SREK1IP1: variants seen among roughly 807,000 people sequenced by gnomAD.
SREK1IP1 encodes SREK1 interacting protein 1.
SREK1IP1 carries 12 observed loss-of-function variants against 22.8 expected under a neutral mutation model. The observed-to-expected ratio is 0.53, with a 90% confidence interval of 0.34 to 0.85. The LOEUF (loss-of-function observed/expected upper bound fraction) is 0.85. Among genes scored for constraint, SREK1IP1 ranks in the 40% least tolerant of loss-of-function variants. The pLI is 0.02. For synonymous variants in SREK1IP1, 53 were observed against 52.7 expected (o/e 1.01, Z -0.02); for missense variants, 147 against 171.8 (o/e 0.86, Z 0.81).
chr5:64,738,656 T>A (rs1191217313), intron 3 of SREK1IP1, among the ~76,000 whole-genome samples: 2 of 151,986 alleles, frequency 1.3e-5, no homozygotes, highest in African/African-American at 4.8e-5. Context: ...TGTAACAGAA[T>A]AGGAAGTCCA....
At chr5:64,748,052 T>G (rs180902155) in intron 2 of SREK1IP1, among the ~76,000 whole-genome samples, 2 of 152,322 alleles carry the variant, frequency 1.3e-5, no homozygotes, top group Admixed American at 1.3e-4. Flanking sequence ...TACATCAACA[T>G]TCATTGCAGC....
intron 1 of SREK1IP1, among the ~76,000 whole-genome samples, chr5:64,765,660 T>A (rs1580562843): frequency 1.3e-5 from 2 of 152,362 alleles, no homozygotes; most frequent in Admixed American, 1.3e-4. Context: ...GCTTGCCATC[T>A]AGCTTAATGG....
At chr5:64,743,365 C>T (rs927732819) in intron 2 of SREK1IP1, among the ~76,000 whole-genome samples, 1 of 152,172 alleles carries the variant, frequency 6.6e-6, no homozygotes, top group Non-Finnish European at 1.5e-5. Context: ...GTAGACTATA[C>T]ATCCAAGTTT....
In SREK1IP1 at chr5:64,718,990, T is replaced by G. The variant is rs1364217321; in HGVS notation, c.*5394A>C. 1 of 152,204 alleles carries G rather than the reference T, an allele frequency of 6.6e-6. No individual in the cohort carries two copies. Among genetic ancestry groups the G allele is most frequent in the East Asian group, 1.9e-4 (1 of 5,194 alleles). 9.4% of individuals were successfully genotyped at this position (152,204 alleles called of 1,614,324 possible). A position where few individuals can be genotyped will look rare whatever the true frequency, so the allele number is the denominator to read the frequency against. ...TGATATATAAAAAAGAATACCTTAT[T>G]TTTCTTGGGCATGCAAAGCTCAGGG... On this transcript the variant is annotated 3_prime_UTR_variant, in exon 5 of 5. Coordinates refer to ENST00000513458, the MANE Select transcript of SREK1IP1 (RefSeq NM_173829.4).
intron 1 of SREK1IP1, among the ~76,000 whole-genome samples, chr5:64,763,098 T>C (rs557637271): frequency 1.3e-5 from 2 of 152,062 alleles, no homozygotes; most frequent in Admixed American, 6.5e-5. Context: ...AAAGGCTTCA[T>C]AATCATTTGA....
At chr5:64,753,907 C>T (rs1742790453) in intron 2 of SREK1IP1, among the ~76,000 whole-genome samples, 1 of 152,052 alleles carries the variant, frequency 6.6e-6, no homozygotes, top group South Asian at 2.1e-4. Context: ...AATTCTGAGA[C>T]CAATTGAATC....
intron 2 of SREK1IP1, among the ~76,000 whole-genome samples, chr5:64,743,648 T>A (rs779511780): frequency 3.3e-5 from 5 of 152,202 alleles, no homozygotes; most frequent in Non-Finnish European, 7.3e-5. Context: ...TCTGTGGGCA[T>A]GCACCAGGTT....
chr5:64,724,486 CTTTT>C lies in SREK1IP1; in HGVS notation c.362_365del (p.Lys121ArgfsTer36). On this transcript the variant is annotated frameshift_variant, in exon 5 of 5. Coordinates refer to ENST00000513458, the MANE Select transcript of SREK1IP1 (RefSeq NM_173829.4). LOFTEE classifies it high-confidence loss of function. The stretch of plus-strand genomic sequence containing the variant: ...GATGTTTCCCTTTTTTTGATTTACT[CTTTT>C]TTTCTTTTTTCTTTTCTTTCTTCTG... The C allele has an allele frequency of 1.9e-6, 3 of 1,589,410 alleles. No homozygotes were observed. The highest frequency in any genetic ancestry group is 2.4e-5 in the South Asian group (2 of 84,940).
intron 3 of SREK1IP1, among the ~76,000 whole-genome samples, chr5:64,728,545 A>G (rs981865539): frequency 5.9e-5 from 9 of 152,304 alleles, no homozygotes; most frequent in African/African-American, 2.2e-4. Context: ...GGATCATGCA[A>G]TATGTATTAT....
intron 3 of SREK1IP1, among the ~76,000 whole-genome samples, chr5:64,734,900 T>C (rs767953781): frequency 4.6e-5 from 7 of 152,100 alleles, no homozygotes; most frequent in Non-Finnish European, 7.4e-5. Flanking sequence ...TGGATGCCTT[T>C]ATTTTTCATA....
At chr5:64,731,671 T>C (rs1280703751) in intron 3 of SREK1IP1, among the ~76,000 whole-genome samples, 5 of 152,124 alleles carry the variant, frequency 3.3e-5, no homozygotes, top group Non-Finnish European at 4.4e-5. Context: ...AATATGTTGA[T>C]GATGTCTTGA....
At chr5:64,763,269 T>C (rs1365697881) in intron 1 of SREK1IP1, among the ~76,000 whole-genome samples, 1 of 152,076 alleles carries the variant, frequency 6.6e-6, no homozygotes, top group Non-Finnish European at 1.5e-5. Flanking sequence ...CTGGGCGCGG[T>C]GGCTCATGCC....
At chr5:64,766,829 T>C (rs1256329485) in intron 1 of SREK1IP1, among the ~76,000 whole-genome samples, 1 of 152,218 alleles carries the variant, frequency 6.6e-6, no homozygotes, top group African/African-American at 2.4e-5. Context: ...TAATACTCAT[T>C]TCACAGTGCA....
rs1335681242 is a variant in SREK1IP1 at position 64,754,351 on chromosome 5, C to A, written c.25G>T (p.Asp9Tyr). The A allele has an allele frequency of 6.2e-7, 1 of 1,613,726 alleles. No individual in the cohort carries two copies. The highest frequency in any genetic ancestry group is 1.7e-5 in the Admixed American group (1 of 60,018). ...TTTTTACAGCCTGCTCTGACACTGTCCTTGTTGCAACCTGAAATACAATTG... is the reference window on the plus strand; with the variant it reads ...TTTTTACAGCCTGCTCTGACACTGTACTTGTTGCAACCTGAAATACAATTG... The part of the protein sequence containing the change: MAVPGCNK[D>Y]SVRAGCKKCG... Residue 9 changes from aspartate (D) to tyrosine (Y), a missense_variant, in exon 2 of 5, where the codon GAC (aspartate) becomes TAC (tyrosine). By Grantham distance (160) the Asp-to-Tyr change is radical (BLOSUM62 -3). Transcript: ENST00000513458.
At chr5:64,742,925 T>C (rs1483547200) in intron 2 of SREK1IP1, among the ~76,000 whole-genome samples, 1 of 152,216 alleles carries the variant, frequency 6.6e-6, no homozygotes, top group East Asian at 1.9e-4. Flanking sequence ...TGTGATTTCC[T>C]AACAAATGAA....
At chr5:64,750,856 G>A (rs2112104888) in intron 2 of SREK1IP1, among the ~76,000 whole-genome samples, 1 of 151,994 alleles carries the variant, frequency 6.6e-6, no homozygotes, top group South Asian at 2.1e-4. Flanking sequence ...TTTGTAATAT[G>A]TCCTCTAATG....
At chr5:64,756,626 C>T (rs556532461) in intron 1 of SREK1IP1, among the ~76,000 whole-genome samples, 1 of 151,830 alleles carries the variant, frequency 6.6e-6, no homozygotes, top group Non-Finnish European at 1.5e-5. Context: ...CTTCTTTTTT[C>T]CTTTTCCTTT....
At chr5:64,768,436 C>T in intron 1 of SREK1IP1, 69 bp downstream of exon 1, 2 of 1,609,206 alleles carry the variant, frequency 1.2e-6, no homozygotes, top group Non-Finnish European at 1.7e-6. Context: ...GTACACGCCG[C>T]ACCCTACCCT....
At chr5:64,767,687 A>T (rs1460648351) in intron 1 of SREK1IP1, among the ~76,000 whole-genome samples, 1 of 152,162 alleles carries the variant, frequency 6.6e-6, no homozygotes, top group Non-Finnish European at 1.5e-5. Flanking sequence ...ATAGTATTCT[A>T]TTCTAATAGA....
Sources: allele counts gnomAD v4.1 joint callset (sites outside exome capture counted in the v4.1 genomes callset), GRCh38; gene constraint gnomAD v4.1.1; transcripts MANE v1.5; gene names NCBI Gene and HGNC (gene_info 2026-07-23, HGNC 2026-07-21).